DGKB: variants seen among roughly 807,000 people sequenced by gnomAD.
DGKB encodes 90 kDa diacylglycerol kinase.
A neutral mutation model predicts 114.3 loss-of-function variants in DGKB; 67 were observed. The observed-to-expected ratio is 0.59, with a 90% confidence interval of 0.48 to 0.72. DGKB has a LOEUF of 0.72. DGKB is among the 30% of genes least tolerant of loss of function. The pLI, the probability that DGKB is intolerant of heterozygous loss-of-function variation, is 0.00. For synonymous variants in DGKB, 398 were observed against 323.1 expected (o/e 1.23, Z -2.49); for missense variants, 907 against 975.2 (o/e 0.93, Z 0.93).
At chr7:14,378,772 C>T (rs1818904140) in intron 21 of DGKB, among the ~76,000 whole-genome samples, 1 of 151,946 alleles carries the variant, frequency 6.6e-6, no homozygotes, top group African/African-American at 2.4e-5. Context: ...GCAGAAAGTC[C>T]CTTATTTTAA....
chr7:14,297,913 A>G (rs1310891361), intron 23 of DGKB, among the ~76,000 whole-genome samples: 1 of 152,184 alleles, frequency 6.6e-6, no homozygotes, highest in African/African-American at 2.4e-5. Context: ...CACCAATAAT[A>G]GACAAACAGA....
At chr7:14,653,556 G>A (rs1347714686) in intron 13 of DGKB, among the ~76,000 whole-genome samples, 9 of 152,010 alleles carry the variant, frequency 5.9e-5, no homozygotes, top group Non-Finnish European at 1.3e-4. Context: ...CCTAATGCTA[G>A]ATGACGAGTT....
At chr7:14,649,370 C>A (rs1436292064) in intron 13 of DGKB, among the ~76,000 whole-genome samples, 1 of 150,506 alleles carries the variant, frequency 6.6e-6, no homozygotes, top group Non-Finnish European at 1.5e-5. Flanking sequence ...AATTTTCAAC[C>A]CAGAATTTCA....
intron 1 of DGKB, among the ~76,000 whole-genome samples, chr7:14,960,785 A>G (rs1314058282): frequency 6.6e-6 from 1 of 152,104 alleles, no homozygotes; most frequent in Non-Finnish European, 1.5e-5. Flanking sequence ...CAATGTGAAT[A>G]CTGTATACTT....
At chr7:14,379,848 G>A (rs1819135071) in intron 21 of DGKB, among the ~76,000 whole-genome samples, 2 of 149,324 alleles carry the variant, frequency 1.3e-5, no homozygotes, top group African/African-American at 4.9e-5. Context: ...GTGAGCGAGC[G>A]GGCCCGGCCT....
At chr7:14,949,299 A>G (rs764294986) in intron 1 of DGKB, among the ~76,000 whole-genome samples, 1 of 152,008 alleles carries the variant, frequency 6.6e-6, no homozygotes, top group African/African-American at 2.4e-5. Flanking sequence ...GACTTATAGC[A>G]AAGGGTTGTA....
chr7:14,885,066 T>C (rs184198660), intron 1 of DGKB, among the ~76,000 whole-genome samples: 37 of 152,008 alleles, frequency 2.4e-4, no homozygotes, highest in African/African-American at 8.2e-4. Flanking sequence ...TTAGCCTTGA[T>C]TGGTTTAGAC....
At chr7:14,191,890 G>A (rs1784370575) in intron 23 of DGKB, 2 of 544,430 alleles carry the variant, frequency 3.7e-6, no homozygotes, top group East Asian at 5.1e-5. Flanking sequence ...TTGCTGAGCT[G>A]AAGGAAAAGA....
intron 17 of DGKB, among the ~76,000 whole-genome samples, chr7:14,599,472 CT>C (rs1302656304): frequency 6.6e-6 from 1 of 152,138 alleles, no homozygotes; most frequent in East Asian, 1.9e-4. Flanking sequence ...CTCTCTCTGC[CT>C]TAAAAGCTCT....
intron 13 of DGKB, among the ~76,000 whole-genome samples, chr7:14,646,214 G>T (rs1812969319): frequency 6.6e-6 from 1 of 152,098 alleles, no homozygotes. Flanking sequence ...AAGTAGGCAG[G>T]ATTATCTATA....
At chr7:14,413,585 G>C (rs74579124) in intron 21 of DGKB, among the ~76,000 whole-genome samples, 9,163 of 152,042 alleles carry the variant, frequency 0.06, 903 homozygotes, top group African/African-American at 0.2. Context: ...CCAGGTAAAG[G>C]AGAAGAAGCC....
chr7:14,341,909 A>T (rs985520189), intron 22 of DGKB, among the ~76,000 whole-genome samples: 7 of 151,770 alleles, frequency 4.6e-5, no homozygotes, highest in Non-Finnish European at 8.8e-5. Context: ...ATAAACTGTA[A>T]TTTTTTTCCA....
intron 1 of DGKB, among the ~76,000 whole-genome samples, chr7:14,867,178 G>C (rs1851818641): frequency 6.6e-6 from 1 of 152,066 alleles, no homozygotes; most frequent in Admixed American, 6.5e-5. Context: ...TCTGTGCCTT[G>C]TCTTCTCAAT....
At chr7:14,581,828 C>A (rs970989018) in intron 18 of DGKB, among the ~76,000 whole-genome samples, 1 of 152,128 alleles carries the variant, frequency 6.6e-6, no homozygotes, top group Admixed American at 6.6e-5. Context: ...AAAATCCTTA[C>A]AAGTCCTCAG....
intron 4 of DGKB, among the ~76,000 whole-genome samples, chr7:14,747,775 G>GCGCGCGCGCGCGCACACACACA: frequency 0.059 from 8,841 of 149,086 alleles, 285 homozygotes; most frequent in African/African-American, 0.087. Context: ...ACATCCACGC[G>GCGCGCGCGCGCGCACACACACA]CACGCACACA....
chr7:14,621,110 G>C, intron 15 of DGKB: 1 of 326,754 alleles, frequency 3.1e-6, no homozygotes, highest in East Asian at 7.3e-5. Context: ...TGTATATTTA[G>C]CAATAATTTT....
chr7:14,328,797 T>G (rs2128553386), intron 23 of DGKB, among the ~76,000 whole-genome samples: 1 of 152,154 alleles, frequency 6.6e-6, no homozygotes, highest in Non-Finnish European at 1.5e-5. Context: ...ATTTGTAATC[T>G]TACTGCAAAT....
At chr7:14,458,119 G>C (rs1268083598) in intron 21 of DGKB, among the ~76,000 whole-genome samples, 1 of 151,980 alleles carries the variant, frequency 6.6e-6, no homozygotes, top group Non-Finnish European at 1.5e-5. Flanking sequence ...TCTGGAATTA[G>C]GAATCTATGG....
At chr7:14,187,813 C>T (rs1783670651) in intron 23 of DGKB, among the ~76,000 whole-genome samples, 2 of 152,118 alleles carry the variant, frequency 1.3e-5, no homozygotes, top group African/African-American at 4.8e-5. Flanking sequence ...AGCAAATTAA[C>T]ATGGCACCCA....
Sources: gnomAD v4.1 joint callset for allele counts (sites outside exome capture counted in the v4.1 genomes callset) on GRCh38, gnomAD v4.1.1 for gene constraint, MANE v1.5 for transcripts, NCBI Gene and HGNC (gene_info 2026-07-23, HGNC 2026-07-21) for gene names.